PTPRT: variants seen among roughly 807,000 people sequenced by gnomAD.
PTPRT encodes receptor-type tyrosine-protein phosphatase T.
PTPRT carries 56 observed loss-of-function variants against 176.8 expected under a neutral mutation model. The ratio of observed to expected loss-of-function variants is 0.32; its 90% CI spans 0.26 to 0.40. The LOEUF (loss-of-function observed/expected upper bound fraction) is 0.40, where lower values mean the gene tolerates loss of function less well. PTPRT is among the 10% of genes least tolerant of loss of function. The pLI is 1.00. For synonymous variants in PTPRT, 783 were observed against 739.0 expected (o/e 1.06, Z -0.96); for missense variants, 1,540 against 1,908.2 (o/e 0.81, Z 3.60).
Position 42,922,574 on chromosome 20 carries a change from G to A in PTPRT, c.89-36642C>T, listed in dbSNP as rs148316445. On this transcript the variant is annotated intron_variant, in intron 1 of 30. Transcript: ENST00000373187. The stretch of plus-strand genomic sequence containing the variant: ...TCCTCTCAATCTTCCCTTGCTTGGT[G>A]CCTCAGCATCCCTTGTAGGTTTCCT... 3.5e-3 allele frequency among the ~76,000 whole-genome samples: 534 copies of A among 152,282 alleles called. 2 individuals are homozygous for A. Among genetic ancestry groups the A allele is most frequent in the African/African-American group, 0.012 (494 of 41,560 alleles).
At chr20:43,056,957 C>G (rs1987261179) in intron 1 of PTPRT, among the ~76,000 whole-genome samples, 1 of 151,920 alleles carries the variant, frequency 6.6e-6, no homozygotes, top group South Asian at 2.1e-4. Flanking sequence ...GGCAAATGAA[C>G]TATCGATGCA....
At position 42,794,486 on chromosome 20, in the gene PTPRT, G is replaced by A. The variant is rs1031934283; in HGVS notation, c.215-3020C>T. Reference sequence around the variant, plus strand: ...AGGTGATCGGCATGTACATAAAGCAGTGAGAATCATTGGCCCATTCTATTT... The same window carrying A: ...AGGTGATCGGCATGTACATAAAGCAATGAGAATCATTGGCCCATTCTATTT... On this transcript the variant is annotated intron_variant, in intron 2 of 30. Coordinates refer to ENST00000373187, the MANE Select transcript of PTPRT (RefSeq NM_007050.6). Among the ~76,000 whole-genome samples, 5 of 152,282 alleles carry A rather than the reference G, an allele frequency of 3.3e-5. No homozygotes were observed. In the East Asian group the frequency reaches 7.7e-4, roughly 24 times the overall value.
intron 4 of PTPRT, among the ~76,000 whole-genome samples, chr20:42,777,174 C>T (rs1156876553): frequency 6.6e-6 from 1 of 151,152 alleles, no homozygotes; most frequent in African/African-American, 2.4e-5. Context: ...GACCCTTCTC[C>T]AGCAGCACTC....
Position 42,991,554 on chromosome 20 carries a change from G to A in PTPRT, c.89-105622C>T, listed in dbSNP as rs182446338. Among the ~76,000 whole-genome samples, 713 of 152,180 alleles carry A rather than the reference G, an allele frequency of 4.7e-3. 8 individuals carry two copies. Among genetic ancestry groups the A allele is most frequent in the African/African-American group, 0.016 (683 of 41,520 alleles). The stretch of plus-strand genomic sequence containing the variant: ...AGTAGAGTGGTGGTTTCCAGGGACT[G>A]GTGGGGGGCAGATGGAAATGGGAAG... On this transcript the variant is annotated intron_variant, in intron 1 of 30. Transcript: ENST00000373187.
intron 1 of PTPRT, among the ~76,000 whole-genome samples, chr20:42,991,656 C>T (rs1376174949): frequency 6.6e-6 from 1 of 152,122 alleles, no homozygotes; most frequent in African/African-American, 2.4e-5. Context: ...GGTTGCACAA[C>T]ACCTGAATCT....
intron 2 of PTPRT, among the ~76,000 whole-genome samples, chr20:42,861,219 G>C (rs748019696): frequency 6.6e-6 from 1 of 152,058 alleles, no homozygotes; most frequent in Non-Finnish European, 1.5e-5. Flanking sequence ...TCAGACCCAG[G>C]GTGGTAATGG....
intron 1 of PTPRT, among the ~76,000 whole-genome samples, chr20:43,146,230 C>T (rs6030669): frequency 0.51 from 76,923 of 151,994 alleles, 21,792 homozygotes; most frequent in Non-Finnish European, 0.65. Flanking sequence ...GAATGGATGA[C>T]GCTGAGACAA....
At chr20:43,163,115 T>C (rs2014744846) in intron 1 of PTPRT, among the ~76,000 whole-genome samples, 1 of 152,230 alleles carries the variant, frequency 6.6e-6, no homozygotes, top group Non-Finnish European at 1.5e-5. Context: ...TGCTAGGAAC[T>C]GTGGCAATCC....
chr20:43,093,303 A>G (rs1160340491), intron 1 of PTPRT, among the ~76,000 whole-genome samples: 1 of 152,222 alleles, frequency 6.6e-6, no homozygotes, highest in Non-Finnish European at 1.5e-5. Context: ...GGTGTCAAAT[A>G]CCCAAAACTT....
chr20:42,862,354 A>G lies in PTPRT; in HGVS notation c.214+23453T>C, dbSNP rs1054923638. ...GGTAGGTGTTCAGCAAATGTTTGCC[A>G]CACAGGATGGCAGAAGAACTGCAAA... is the stretch of plus-strand genomic sequence containing the variant. On this transcript the variant is annotated intron_variant, in intron 2 of 30. Transcript: ENST00000373187. 3.3e-5 allele frequency among the ~76,000 whole-genome samples: 5 copies of G among 152,304 alleles called. No individual in the cohort carries two copies. In the East Asian group the frequency reaches 9.7e-4, roughly 30 times the overall value.
chr20:42,181,584 G>A (rs987976405), intron 16 of PTPRT, among the ~76,000 whole-genome samples: 6 of 152,116 alleles, frequency 3.9e-5, no homozygotes, highest in Non-Finnish European at 7.3e-5. Context: ...ATGTCTGCAG[G>A]TCCTCATTGT....
chr20:42,783,571 C>T (rs916579835), intron 3 of PTPRT, among the ~76,000 whole-genome samples: 5 of 152,116 alleles, frequency 3.3e-5, no homozygotes, highest in African/African-American at 7.2e-5. Flanking sequence ...ATGCTTCTGA[C>T]GTGAGACTCC....
chr20:42,565,746 G>A (rs1401241176), intron 7 of PTPRT, among the ~76,000 whole-genome samples: 3 of 152,114 alleles, frequency 2.0e-5, no homozygotes, highest in Non-Finnish European at 2.9e-5. Flanking sequence ...GGGGATGAGC[G>A]CATTGGTGTG....
At chr20:42,091,395 A>G (rs1984604707) in intron 27 of PTPRT, among the ~76,000 whole-genome samples, 1 of 152,214 alleles carries the variant, frequency 6.6e-6, no homozygotes, top group Non-Finnish European at 1.5e-5. Context: ...GTTGAATGAA[A>G]ACTAGCATAT....
chr20:42,558,867 G>A (rs890059417), intron 7 of PTPRT, among the ~76,000 whole-genome samples: 6 of 152,084 alleles, frequency 3.9e-5, no homozygotes, highest in East Asian at 1.9e-4. Context: ...TGGGATTCAC[G>A]CCAGCTTGGG....
At chr20:42,414,541 A>G (rs1032797284) in intron 9 of PTPRT, among the ~76,000 whole-genome samples, 14 of 152,214 alleles carry the variant, frequency 9.2e-5, no homozygotes, top group Non-Finnish European at 1.8e-4. Flanking sequence ...AGATCTTACT[A>G]AGGGAGCTGG....
intron 1 of PTPRT, among the ~76,000 whole-genome samples, chr20:43,025,800 T>C (rs980921677): frequency 9.9e-5 from 15 of 152,192 alleles, no homozygotes; most frequent in Admixed American, 2.6e-4. Context: ...CCTAATCTTC[T>C]GTGAGGTGAT....
chr20:42,910,106 A>G (rs986598121), intron 1 of PTPRT, among the ~76,000 whole-genome samples: 1 of 152,064 alleles, frequency 6.6e-6, no homozygotes, highest in African/African-American at 2.4e-5. Context: ...GATATATTTC[A>G]CATGAAGCCC....
At chr20:42,813,564 G>A (rs991838048) in intron 2 of PTPRT, among the ~76,000 whole-genome samples, 65 of 151,932 alleles carry the variant, frequency 4.3e-4, no homozygotes, top group African/African-American at 1.4e-3. Context: ...GACTCCACTC[G>A]GGTGGCTCCA....
Sources: allele counts gnomAD v4.1 joint callset (sites outside exome capture counted in the v4.1 genomes callset), GRCh38; gene constraint gnomAD v4.1.1; transcripts MANE v1.5; gene names NCBI Gene and HGNC (gene_info 2026-07-23, HGNC 2026-07-21).